DYNC1LI1: variants seen among roughly 807,000 people sequenced by gnomAD.
DYNC1LI1 encodes the protein cytoplasmic dynein 1 light intermediate chain 1.
In DYNC1LI1, 19 loss-of-function variants were observed where a neutral mutation model predicts 63.8. That is an observed-to-expected ratio of 0.30 (90% CI 0.21 to 0.44). DYNC1LI1 has a LOEUF of 0.44. Ranked by LOEUF, DYNC1LI1 falls within the 20% of genes least tolerant of loss-of-function variation. The probability of loss-of-function intolerance (pLI) is 1.00; values close to 1 mark genes in which losing one functional copy is unlikely to be tolerated. For synonymous variants in DYNC1LI1, 225 were observed against 232.3 expected (o/e 0.97, Z 0.28); for missense variants, 565 against 630.2 (o/e 0.90, Z 1.11).
intron 6 of DYNC1LI1, among the ~76,000 whole-genome samples, chr3:32,534,872 G>T (rs575805393): frequency 5.3e-5 from 8 of 152,298 alleles, no homozygotes; most frequent in Admixed American, 4.6e-4. Flanking sequence ...TAGGAAGGCA[G>T]AAGTCTCATT....
At chr3:32,548,724 A>T (rs954345694) in intron 2 of DYNC1LI1, among the ~76,000 whole-genome samples, 1 of 152,346 alleles carries the variant, frequency 6.6e-6, no homozygotes, top group East Asian at 1.9e-4. Flanking sequence ...GTACTGAAAA[A>T]TGCCAAGAGA....
intron 2 of DYNC1LI1, among the ~76,000 whole-genome samples, chr3:32,555,323 A>G (rs1698098296): frequency 6.6e-6 from 1 of 152,196 alleles, no homozygotes; most frequent in Non-Finnish European, 1.5e-5. Flanking sequence ...GTCTGACATG[A>G]TGTGTCTTGA....
rs373598162 is a variant in DYNC1LI1, at chr3:32,545,920, C to A, written c.266G>T (p.Gly89Val). Reference sequence around the variant, plus strand: ...TCTTCCTTTCTTATACTCCTCTATTCCCTGAATTTTTCTTATTAAGCTTGT... The same window carrying A: ...TCTTCCTTTCTTATACTCCTCTATTACCTGAATTTTTCTTATTAAGCTTGT... ...GKTSLIRKIQ[G>V]IEEYKKGRGL... is the part of the protein sequence containing the mutation. Residue 89 changes from glycine to valine, a missense_variant, in exon 3 of 13, where the codon GGA (glycine) becomes GTA (valine). Gly to Val is a moderately radical substitution (Grantham distance 109). Transcript: ENST00000273130. 1.2e-6 allele frequency: 2 copies of A among 1,612,880 alleles called. No individual in the cohort carries two copies. The highest frequency in any genetic ancestry group is 8.5e-7 in the Non-Finnish European group (1 of 1,179,254).
chr3:32,530,190 C>A, intron 10 of DYNC1LI1, 94 bp downstream of exon 10: 1 of 998,424 alleles, frequency 1.0e-6, no homozygotes, highest in Non-Finnish European at 1.5e-6. Flanking sequence ...TATATCAAAG[C>A]ACACCCATAT....
Position 32,529,580 on chromosome 3 carries a change from G to C in DYNC1LI1, c.1266C>G (p.Pro422=). The change falls in exon 11 of 13, where the codon CCC becomes CCG. Residue 422 remains proline (P), a synonymous_variant. Transcript: ENST00000273130. ...CAATTTTTTTTGACCCAGCAGGAAT[G>C]GGTGACACGCTGGCAACATTAGATG... is the stretch of plus-strand genomic sequence containing the variant. ...SVSSNVASVS[P]IPAGSKKIDP... 1 of 1,609,148 alleles carries C rather than the reference G, an allele frequency of 6.2e-7. No homozygotes were observed. Among genetic ancestry groups the C allele is most frequent in the South Asian group, 1.1e-5 (1 of 90,418 alleles).
intron 2 of DYNC1LI1, among the ~76,000 whole-genome samples, chr3:32,550,702 T>C (rs191572603): frequency 2.8e-4 from 43 of 152,364 alleles, no homozygotes; most frequent in Middle Eastern, 3.4e-3. Flanking sequence ...CCTGAGAAGT[T>C]TGTTAAAACA....
intron 2 of DYNC1LI1, among the ~76,000 whole-genome samples, chr3:32,550,866 G>A (rs1359257176): frequency 6.6e-6 from 1 of 152,126 alleles, no homozygotes; most frequent in Non-Finnish European, 1.5e-5. Context: ...GGTGGCTCAT[G>A]CCTGCAAACC....
At chr3:32,533,975 CAAGT>C (rs1327641848) in intron 7 of DYNC1LI1, among the ~76,000 whole-genome samples, 8 of 148,760 alleles carry the variant, frequency 5.4e-5, no homozygotes, top group Non-Finnish European at 1.2e-4. Context: ...CTCCCAGGTT[CAAGT>C]AATTCTTGTG....
chr3:32,563,493 T>C (rs1698219964), intron 2 of DYNC1LI1, among the ~76,000 whole-genome samples: 1 of 152,118 alleles, frequency 6.6e-6, no homozygotes, highest in Non-Finnish European at 1.5e-5. Flanking sequence ...GGTTTCATCA[T>C]GTTGGCCAGG....
chr3:32,527,948 C>A (rs1212216323), intron 12 of DYNC1LI1, among the ~76,000 whole-genome samples: 2 of 151,022 alleles, frequency 1.3e-5, no homozygotes, highest in Non-Finnish European at 3.0e-5. Context: ...CGGTGAAACA[C>A]CGTTTCTACT....
At chr3:32,558,088 G>A (rs1174797462) in intron 2 of DYNC1LI1, among the ~76,000 whole-genome samples, 4 of 151,966 alleles carry the variant, frequency 2.6e-5, no homozygotes, top group African/African-American at 9.7e-5. Flanking sequence ...ACAAAAATTA[G>A]GCAGGCATGG....
intron 2 of DYNC1LI1, among the ~76,000 whole-genome samples, chr3:32,557,635 A>C (rs1698132670): frequency 6.6e-6 from 1 of 152,202 alleles, no homozygotes; most frequent in Non-Finnish European, 1.5e-5. Flanking sequence ...ATTATAAGTT[A>C]TTGTTTGGAA....
chr3:32,536,236 A>G (rs897125173), intron 6 of DYNC1LI1, among the ~76,000 whole-genome samples: 4 of 152,194 alleles, frequency 2.6e-5, no homozygotes, highest in South Asian at 2.1e-4. Flanking sequence ...TGTATTACTC[A>G]TTACTATCTA....
intron 4 of DYNC1LI1, among the ~76,000 whole-genome samples, chr3:32,542,244 C>T (rs892559315): frequency 2.6e-5 from 4 of 152,104 alleles, no homozygotes; most frequent in African/African-American, 9.7e-5. Flanking sequence ...TGAGTAGCTA[C>T]AGGCATGTGC....
chr3:32,541,009 T>C (rs772037613), intron 5 of DYNC1LI1, 28 bp downstream of exon 5: 5 of 1,540,780 alleles, frequency 3.2e-6, no homozygotes, highest in Non-Finnish European at 4.4e-6. Context: ...TGAATATCAG[T>C]TGCAGAATCC....
intron 2 of DYNC1LI1, among the ~76,000 whole-genome samples, chr3:32,567,701 G>A (rs1698286742): frequency 7.0e-6 from 1 of 142,068 alleles, no homozygotes; most frequent in African/African-American, 2.7e-5. Flanking sequence ...ATCATACCCG[G>A]CCTTTTTTTT....
intron 2 of DYNC1LI1, among the ~76,000 whole-genome samples, chr3:32,550,678 A>C (rs188827336): frequency 1.2e-4 from 19 of 152,352 alleles, no homozygotes; most frequent in South Asian, 8.3e-4. Context: ...ATTTGTTATA[A>C]GGTATCAGAA....
chr3:32,534,386 C>A, intron 7 of DYNC1LI1, 125 bp downstream of exon 7: 1 of 696,792 alleles, frequency 1.4e-6, no homozygotes, highest in Non-Finnish European at 2.4e-6. Context: ...AATCTAGGAA[C>A]AGATAGATTC....
chr3:32,536,456 C>T (rs895377316), intron 6 of DYNC1LI1, among the ~76,000 whole-genome samples: 13 of 152,116 alleles, frequency 8.5e-5, no homozygotes, highest in Admixed American at 4.6e-4. Flanking sequence ...CACTGGCTCA[C>T]CTAATCCTTG....
Sources: allele counts gnomAD v4.1 joint callset (sites outside exome capture counted in the v4.1 genomes callset), GRCh38; gene constraint gnomAD v4.1.1; transcripts MANE v1.5; gene names NCBI Gene and HGNC (gene_info 2026-07-23, HGNC 2026-07-21).